The following ARSG variants were observed in gnomAD, a reference collection of about 807,000 sequenced individuals.
The protein encoded by ARSG is arylsulfatase G.
In ARSG, 37 loss-of-function variants were observed where a neutral mutation model predicts 50.5. That is an observed-to-expected ratio of 0.73 (90% CI 0.56 to 0.96). ARSG has a LOEUF of 0.96. ARSG is among the 50% of genes least tolerant of loss of function. The probability of loss-of-function intolerance (pLI) is 0.00; values close to 1 mark genes in which losing one functional copy is unlikely to be tolerated. For synonymous variants in ARSG, 225 were observed against 254.6 expected (o/e 0.88, Z 1.11); for missense variants, 629 against 675.3 (o/e 0.93, Z 0.76).
chr17:68,323,701 CA>C (rs1184209301), intron 2 of ARSG, among the ~76,000 whole-genome samples: 3 of 152,130 alleles, frequency 2.0e-5, no homozygotes, highest in Non-Finnish European at 4.4e-5. Context: ...CGGAGGGACA[CA>C]AACATTCAGT....
chr17:68,424,424 G>A (rs1188079708), downstream of ARSG: 1 of 534,532 alleles, frequency 1.9e-6, no homozygotes, highest in South Asian at 1.4e-5. Context: ...GGAGAAAGAA[G>A]CCAGACCTGC....
At chr17:68,314,066 A>C (rs1178500173) in intron 2 of ARSG, among the ~76,000 whole-genome samples, 2 of 152,190 alleles carry the variant, frequency 1.3e-5, no homozygotes, top group African/African-American at 4.8e-5. Context: ...ACTAAATGTC[A>C]TGCTTAAGAG....
At chr17:68,370,409 G>T (rs781151100) in intron 7 of ARSG, 35 bp from the exon 8 acceptor site, 21 of 1,608,250 alleles carry the variant, frequency 1.3e-5, no homozygotes, top group Non-Finnish European at 1.7e-5. Context: ...TGTCCAACCA[G>T]CCTGGTGACC....
At chr17:68,265,990 T>A (rs1446601206) in intron 1 of ARSG, among the ~76,000 whole-genome samples, 1 of 152,140 alleles carries the variant, frequency 6.6e-6, no homozygotes, top group Non-Finnish European at 1.5e-5. Flanking sequence ...ACAGAAAAAG[T>A]TTGCCAACCC....
At chr17:68,430,454 A>G in the ARSG span, among the ~76,000 whole-genome samples, 1 of 152,214 alleles carries the variant, frequency 6.6e-6, no homozygotes, top group Non-Finnish European at 1.5e-5. Context: ...TCTGATTCCT[A>G]GATTTCCAGA....
intron 2 of ARSG, among the ~76,000 whole-genome samples, chr17:68,323,967 G>A (rs2077396881): frequency 1.3e-5 from 2 of 151,538 alleles, no homozygotes; most frequent in Non-Finnish European, 2.9e-5. Flanking sequence ...CAGCTATTTG[G>A]GAGGCTGAGG....
chr17:68,415,758 T>C (rs1424667170), intron 11 of ARSG, among the ~76,000 whole-genome samples: 2 of 152,256 alleles, frequency 1.3e-5, no homozygotes, highest in Non-Finnish European at 2.9e-5. Context: ...ACACGGCCTT[T>C]TACCATTGTA....
At chr17:68,352,146 A>G (rs1227725872) in intron 5 of ARSG, among the ~76,000 whole-genome samples, 3 of 116,458 alleles carry the variant, frequency 2.6e-5, no homozygotes, top group Non-Finnish European at 3.8e-5. Flanking sequence ...GACAGAGGAG[A>G]GAGAGAGAGA....
chr17:68,395,277 C>G, intron 10 of ARSG, 84 bp downstream of exon 10: 1 of 1,569,118 alleles, frequency 6.4e-7, no homozygotes, highest in Non-Finnish European at 8.7e-7. Flanking sequence ...ACAGAACCAT[C>G]ATCAGAAGAT....
At chr17:68,432,265 G>A in the ARSG span, among the ~76,000 whole-genome samples, 1 of 152,192 alleles carries the variant, frequency 6.6e-6, no homozygotes, top group African/African-American at 2.4e-5. Flanking sequence ...TCCCATGGCT[G>A]TGATATGTGA....
chr17:68,450,382 G>C, the ARSG span, among the ~76,000 whole-genome samples: 1 of 152,142 alleles, frequency 6.6e-6, no homozygotes, highest in African/African-American at 2.4e-5. Flanking sequence ...CAGAAGAGTC[G>C]CTCCTCTGAT....
chr17:68,335,899 T>A (rs1347968238), intron 2 of ARSG, among the ~76,000 whole-genome samples: 1 of 152,108 alleles, frequency 6.6e-6, no homozygotes, highest in East Asian at 1.9e-4. Flanking sequence ...CAATATCGTG[T>A]TTTTCTTTTC....
At chr17:68,282,371 A>C (rs2075720995) in intron 1 of ARSG, among the ~76,000 whole-genome samples, 1 of 151,852 alleles carries the variant, frequency 6.6e-6, no homozygotes, top group African/African-American at 2.4e-5. Context: ...GGGAAGGGGG[A>C]GGGATAGCAT....
the ARSG span, among the ~76,000 whole-genome samples, chr17:68,434,855 C>T: frequency 6.6e-6 from 1 of 152,118 alleles, no homozygotes; most frequent in South Asian, 2.1e-4. Flanking sequence ...CAAGGCTCTG[C>T]GTGTATGTGT....
At chr17:68,278,379 T>C in intron 1 of ARSG, 11 of 1,160,512 alleles carry the variant, frequency 9.5e-6, no homozygotes, top group South Asian at 2.6e-5. Context: ...TGAGGATCGA[T>C]GATTCTCATA....
At chr17:68,333,651 A>G (rs1568481194) in intron 2 of ARSG, among the ~76,000 whole-genome samples, 10 of 148,664 alleles carry the variant, frequency 6.7e-5, no homozygotes, top group African/African-American at 2.5e-5. Context: ...AATAATAATA[A>G]TAATAATAAT....
chr17:68,432,016 A>AT, the ARSG span, among the ~76,000 whole-genome samples: 2 of 152,174 alleles, frequency 1.3e-5, no homozygotes, highest in African/African-American at 4.8e-5. Context: ...GCTCCAAAAA[A>AT]GATCAGGGCT....
chr17:68,270,117 T>C (rs1442377506), intron 1 of ARSG, among the ~76,000 whole-genome samples: 5 of 152,216 alleles, frequency 3.3e-5, no homozygotes, highest in Non-Finnish European at 7.3e-5. Flanking sequence ...TACAGAGTGC[T>C]GCTATCCATT....
At chr17:68,304,098 G>T (rs909366268) in intron 1 of ARSG, among the ~76,000 whole-genome samples, 1 of 152,048 alleles carries the variant, frequency 6.6e-6, no homozygotes, top group African/African-American at 2.4e-5. Flanking sequence ...CTGAAGTCTT[G>T]TACATGGGAT....
Sources: allele counts gnomAD v4.1 joint callset (sites outside exome capture counted in the v4.1 genomes callset), GRCh38; gene constraint gnomAD v4.1.1; transcripts MANE v1.5; gene names NCBI Gene and HGNC (gene_info 2026-07-23, HGNC 2026-07-21).